PDE4B: variants seen among roughly 807,000 people sequenced by gnomAD.
PDE4B encodes the protein phosphodiesterase 4B, also known as 3',5'-cyclic-AMP phosphodiesterase 4B.
PDE4B carries 20 observed loss-of-function variants against 82.2 expected under a neutral mutation model. The ratio of observed to expected loss-of-function variants is 0.24; its 90% CI spans 0.17 to 0.35. The LOEUF (loss-of-function observed/expected upper bound fraction) is 0.35. Among genes scored for constraint, PDE4B ranks in the 10% least tolerant of loss-of-function variants. The probability of loss-of-function intolerance (pLI) is 1.00; values close to 1 mark genes in which losing one functional copy is unlikely to be tolerated. For missense variants in PDE4B, 655 were observed against 907.2 expected, an observed-to-expected ratio of 0.72 and a Z score of 3.57; for synonymous variants, 320 against 318.9, an observed-to-expected ratio of 1.00 and a Z score of -0.04.
chr1:66,366,370 C>T (rs910681147), intron 13 of PDE4B, among the ~76,000 whole-genome samples: 1 of 152,160 alleles, frequency 6.6e-6, no homozygotes, highest in Admixed American at 6.5e-5. Context: ...AAGCCATACT[C>T]AAAGCTTTTG....
At chr1:65,892,026 A>G (rs541115546) in intron 1 of PDE4B, among the ~76,000 whole-genome samples, 1 of 152,204 alleles carries the variant, frequency 6.6e-6, no homozygotes, top group Admixed American at 6.5e-5. Context: ...ATTTAAATTC[A>G]TCAACTTCTG....
In PDE4B at chr1:66,266,086, AG is replaced by A; in HGVS notation, c.634+1del. The A allele has an allele frequency of 6.2e-7, 1 of 1,609,748 alleles. No homozygotes were observed. The highest frequency in any genetic ancestry group is 1.3e-5 in the African/African-American group (1 of 74,970). ...QPPVSRVNPQEESYQKLAMET... is the reference protein window; with the variant it reads ...QPPVSRVNPQXESYQKLAMET... ...CTCCTGTCTCCAGAGTCAACCCACA[AG>A]GTAGGCCATGTCATAAGGTCTATCT... On this transcript the variant is annotated frameshift_variant and splice_region_variant, in exon 7 of 17. Coordinates refer to ENST00000341517, the MANE Select transcript of PDE4B (RefSeq NM_002600.4). LOFTEE classifies it high-confidence loss of function.
chr1:65,906,550 C>G (rs1356986056), intron 1 of PDE4B, among the ~76,000 whole-genome samples: 1 of 151,986 alleles, frequency 6.6e-6, no homozygotes, highest in Admixed American at 6.6e-5. Context: ...TAATTCAACT[C>G]TTTAAAACTT....
chr1:65,991,082 ATT>A (rs3030069), intron 3 of PDE4B, among the ~76,000 whole-genome samples: 91,483 of 147,074 alleles, frequency 0.62, 28,170 homozygotes, highest in African/African-American at 0.63. Flanking sequence ...CAGATGAATG[ATT>A]TTTTTTTTTT....
chr1:65,937,947 A>G (rs1248541505), intron 3 of PDE4B, among the ~76,000 whole-genome samples: 1 of 152,194 alleles, frequency 6.6e-6, no homozygotes. Flanking sequence ...TACTTTATTT[A>G]AACTCAACTC....
chr1:65,812,433 T>C (rs1429943206), intron 1 of PDE4B, among the ~76,000 whole-genome samples: 3 of 152,208 alleles, frequency 2.0e-5, no homozygotes, highest in African/African-American at 7.2e-5. Context: ...CTGCTCTCCC[T>C]GATCCAGGGC....
At chr1:66,134,960 A>G (rs1157016786) in intron 3 of PDE4B, among the ~76,000 whole-genome samples, 1 of 152,254 alleles carries the variant, frequency 6.6e-6, no homozygotes, top group Admixed American at 6.5e-5. Flanking sequence ...GCATAATTAC[A>G]TAGTCGTACA....
intron 1 of PDE4B, among the ~76,000 whole-genome samples, chr1:65,823,579 G>A (rs1645981051): frequency 6.6e-6 from 1 of 151,762 alleles, no homozygotes; most frequent in African/African-American, 2.4e-5. Flanking sequence ...CTTTTTACTG[G>A]TCTCTGAGCA....
intron 7 of PDE4B, among the ~76,000 whole-genome samples, chr1:66,308,493 C>A (rs530527202): frequency 6.6e-6 from 1 of 152,272 alleles, no homozygotes; most frequent in Admixed American, 6.5e-5. Flanking sequence ...CCCTGGAAGT[C>A]CCTCCTAGTC....
In PDE4B at chr1:65,857,891, T is replaced by G. The variant is rs541992805; in HGVS notation, c.-70-55354T>G. 6.7e-5 allele frequency among the ~76,000 whole-genome samples: 10 copies of G among 148,452 alleles called. No individual in the cohort carries two copies. In the South Asian group the frequency reaches 2.1e-3, roughly 31 times the overall value. On this transcript the variant is annotated intron_variant, in intron 1 of 16. Coordinates refer to ENST00000341517, the MANE Select transcript of PDE4B (RefSeq NM_002600.4). Reference sequence around the variant, plus strand: ...TTCCAGATTCCTGATCTTGACTCCTTTTTTTTTTTTTCTCTCTAGACTTCA... The same window carrying G: ...TTCCAGATTCCTGATCTTGACTCCTGTTTTTTTTTTTCTCTCTAGACTTCA...
intron 3 of PDE4B, among the ~76,000 whole-genome samples, chr1:66,243,228 A>G (rs1243462560): frequency 6.6e-6 from 1 of 152,230 alleles, no homozygotes; most frequent in African/African-American, 2.4e-5. Flanking sequence ...TTTAAAGGAA[A>G]CAGCAGAAAC....
At chr1:66,072,405 C>A (rs540638452) in intron 3 of PDE4B, among the ~76,000 whole-genome samples, 2 of 152,032 alleles carry the variant, frequency 1.3e-5, no homozygotes, top group Admixed American at 6.6e-5. Context: ...AACATTTTTT[C>A]AAATGTGTGG....
chr1:65,985,656 G>C (rs1480065440), intron 3 of PDE4B, among the ~76,000 whole-genome samples: 1 of 152,048 alleles, frequency 6.6e-6, no homozygotes, highest in Non-Finnish European at 1.5e-5. Flanking sequence ...CATCTACCAT[G>C]GGAACAGCTT....
intron 3 of PDE4B, among the ~76,000 whole-genome samples, chr1:65,939,019 T>C (rs1450098154): frequency 6.6e-6 from 1 of 152,138 alleles, no homozygotes; most frequent in African/African-American, 2.4e-5. Context: ...TGACAATGGC[T>C]AAATCAGGAC....
intron 3 of PDE4B, among the ~76,000 whole-genome samples, chr1:66,095,917 A>G (rs932822165): frequency 6.6e-6 from 1 of 151,892 alleles, no homozygotes; most frequent in African/African-American, 2.4e-5. Context: ...GCTATTGTAA[A>G]TGTTTATGGG....
At chr1:66,129,677 A>C (rs112653331) in intron 3 of PDE4B, among the ~76,000 whole-genome samples, 10,338 of 68,380 alleles carry the variant, frequency 0.15, 1,101 homozygotes, top group African/African-American at 0.33. Flanking sequence ...AAAAAACAAA[A>C]AAACAAAAAA....
rs149992015 is a variant in PDE4B, at chr1:66,235,293, C to T, written c.282-12167C>T. ...TTACTGGGTTTCTGTCTATTTGTTC[C>T]ATCAATTATTGAGGCTATAATTGTG... On this transcript the variant is annotated intron_variant, in intron 3 of 16. Transcript: ENST00000341517. 3.9e-5 allele frequency among the ~76,000 whole-genome samples: 6 copies of T among 152,236 alleles called. No individual in the cohort carries two copies. In the East Asian group the frequency reaches 9.6e-4, roughly 24 times the overall value.
chr1:66,135,127 G>A (rs1646030530), intron 3 of PDE4B, among the ~76,000 whole-genome samples: 1 of 152,190 alleles, frequency 6.6e-6, no homozygotes, highest in Non-Finnish European at 1.5e-5. Flanking sequence ...GCACCCATGT[G>A]TTGGTGTGTA....
chr1:65,913,922 T>C (rs1275273624), intron 2 of PDE4B, among the ~76,000 whole-genome samples: 1 of 152,142 alleles, frequency 6.6e-6, no homozygotes, highest in Non-Finnish European at 1.5e-5. Flanking sequence ...GCAGAGTAAA[T>C]AGGTATGTAC....
Sources: gnomAD v4.1 joint callset for allele counts (sites outside exome capture counted in the v4.1 genomes callset) on GRCh38, gnomAD v4.1.1 for gene constraint, MANE v1.5 for transcripts, NCBI Gene and HGNC (gene_info 2026-07-23, HGNC 2026-07-21) for gene names.